The following ABCC1 variants were observed in gnomAD, a reference collection of about 807,000 sequenced individuals.
ABCC1 encodes the protein ATP binding cassette subfamily C member 1 (ABCC1 blood group), also known as multidrug resistance-associated protein 1.
A neutral mutation model predicts 172.9 loss-of-function variants in ABCC1; 83 were observed. That is an observed-to-expected ratio of 0.48 (90% CI 0.40 to 0.58). The LOEUF (loss-of-function observed/expected upper bound fraction) is 0.58, where lower values mean the gene tolerates loss of function less well. ABCC1 is among the 20% of genes least tolerant of loss of function. The pLI, the probability that ABCC1 is intolerant of heterozygous loss-of-function variation, is 0.00. For synonymous variants in ABCC1, 937 were observed against 825.2 expected, an observed-to-expected ratio of 1.14 and a Z score of -2.32; for missense variants, 1,817 against 2,002.7, an observed-to-expected ratio of 0.91 and a Z score of 1.77.
chr16:16,011,857 T>C (rs1373148844), intron 3 of ABCC1, among the ~76,000 whole-genome samples: 1 of 151,622 alleles, frequency 6.6e-6, no homozygotes, highest in African/African-American at 2.4e-5. Context: ...TTAGTAGAGA[T>C]GGGATTTCAC....
chr16:15,957,443 T>G (rs1415340012), intron 1 of ABCC1, among the ~76,000 whole-genome samples: 1 of 151,962 alleles, frequency 6.6e-6, no homozygotes, highest in Non-Finnish European at 1.5e-5. Context: ...ACCCCTCTTT[T>G]CCCAGGACTC....
chr16:16,009,375 A>G (rs4781712), intron 2 of ABCC1, among the ~76,000 whole-genome samples: 71,280 of 151,980 alleles, frequency 0.47, 17,121 homozygotes, highest in Non-Finnish European at 0.53. Flanking sequence ...ACCTTGAAAC[A>G]TATCCCACCC....
At chr16:16,023,360 A>T (rs183497858) in intron 5 of ABCC1, among the ~76,000 whole-genome samples, 7 of 152,298 alleles carry the variant, frequency 4.6e-5, no homozygotes, top group Admixed American at 4.6e-4. Context: ...GCTGATCTCA[A>T]GTTAGCATTT....
chr16:15,953,373 G>A (rs964134943), intron 1 of ABCC1, among the ~76,000 whole-genome samples: 1 of 152,022 alleles, frequency 6.6e-6, no homozygotes, highest in Non-Finnish European at 1.5e-5. Context: ...TAGAAAAATT[G>A]GAAATTATGG....
intron 23 of ABCC1, among the ~76,000 whole-genome samples, chr16:16,120,492 G>A (rs577860685): frequency 6.6e-6 from 1 of 152,298 alleles, no homozygotes; most frequent in Non-Finnish European, 1.5e-5. Flanking sequence ...GAATGCCCAG[G>A]TTGGGGGAGG....
chr16:15,984,961 G>C (rs1386438087), intron 1 of ABCC1, among the ~76,000 whole-genome samples: 2 of 151,794 alleles, frequency 1.3e-5, no homozygotes, highest in East Asian at 3.9e-4. Flanking sequence ...AAATTGGCTG[G>C]GCGTGGTGGC....
At position 16,052,586 on chromosome 16, in the gene ABCC1, A is replaced by G. The variant is rs1007636388; in HGVS notation, c.1381-138A>G. On this transcript the variant is annotated intron_variant, in intron 10 of 30. Coordinates refer to ENST00000399410, the MANE Select transcript of ABCC1 (RefSeq NM_004996.4). ...TGAAACCACAGGCTCTTAACACCCT[A>G]TTGTGGGGTAAAAGTAACACACCTT... The G allele has an allele frequency of 5.7e-6, 4 of 706,028 alleles. No homozygotes were observed. The African/African-American group carries it at 7.0e-5, about 12-fold the overall frequency. 43.7% of individuals were successfully genotyped at this position (706,028 alleles called of 1,614,324 possible).
chr16:15,956,319 C>G (rs1026376149), intron 1 of ABCC1, among the ~76,000 whole-genome samples: 1 of 151,520 alleles, frequency 6.6e-6, no homozygotes, highest in African/African-American at 2.4e-5. Flanking sequence ...GAGCCGAGAT[C>G]GCGCCATTGC....
intron 17 of ABCC1, among the ~76,000 whole-genome samples, chr16:16,086,450 CCTTT>C (rs779781231): frequency 1.6e-4 from 25 of 151,992 alleles, no homozygotes; most frequent in Admixed American, 7.9e-4. Flanking sequence ...AGGCTCTATG[CCTTT>C]CTTTCTTTCT....
At chr16:16,121,128 C>T (rs1417592588) in intron 23 of ABCC1, among the ~76,000 whole-genome samples, 2 of 152,206 alleles carry the variant, frequency 1.3e-5, no homozygotes, top group African/African-American at 2.4e-5. Context: ...ATACACATCA[C>T]ATGTAAGACT....
intron 1 of ABCC1, among the ~76,000 whole-genome samples, chr16:16,000,384 A>G (rs573836911): frequency 4.7e-4 from 71 of 151,860 alleles, no homozygotes; most frequent in African/African-American, 1.6e-3. Flanking sequence ...GGCTCAAGTG[A>G]TCCACCCGTG....
chr16:16,126,099 T>C (rs1034066299), intron 26 of ABCC1, among the ~76,000 whole-genome samples, 188 bp downstream of exon 26: 2 of 152,230 alleles, frequency 1.3e-5, no homozygotes, highest in African/African-American at 4.8e-5. Context: ...GAAAATAGTT[T>C]ACCGGCTTTA....
rs201384888 is a variant in ABCC1, at chr16:16,007,969, A to C, written c.202A>C (p.Thr68Pro). ...SRHDRGYIQM[T>P]PLNKTKTALG... ...ACATGACCGAGGCTACATTCAGATG[A>C]CACCTCTCAACAAAACCAAAACTGT... is the stretch of plus-strand genomic sequence containing the variant. The change falls in exon 2 of 31, where the codon ACA becomes CCA. Residue 68 changes from threonine (T) to proline (P), a missense_variant. Thr to Pro is a conservative substitution (Grantham distance 38). This residue lies in a region of ABCC1 where 398 missense variants were observed against 384.2 expected (regional missense o/e 1.04). Transcript: ENST00000399410. 1 of 1,369,002 alleles carries C rather than the reference A, an allele frequency of 7.3e-7. No individual in the cohort carries two copies. Among genetic ancestry groups the C allele is most frequent in the Non-Finnish European group, 9.7e-7 (1 of 1,033,160 alleles). 84.8% of individuals were successfully genotyped at this position (1,369,002 alleles called of 1,614,324 possible). A position where few individuals can be genotyped will look rare whatever the true frequency, so the allele number is the denominator to read the frequency against.
chr16:16,038,043 A>AGGAT (rs150697316), intron 7 of ABCC1, among the ~76,000 whole-genome samples: 69 of 151,722 alleles, frequency 4.5e-4, no homozygotes, highest in African/African-American at 1.4e-3. Flanking sequence ...CAGAACTAGT[A>AGGAT]GGATGGATGG....
intron 10 of ABCC1, among the ~76,000 whole-genome samples, chr16:16,048,576 C>A (rs1425945771): frequency 1.3e-5 from 2 of 152,180 alleles, no homozygotes; most frequent in African/African-American, 4.8e-5. Flanking sequence ...CAATGGACGA[C>A]ACATCATATT....
intron 6 of ABCC1, among the ~76,000 whole-genome samples, chr16:16,035,987 A>G (rs1417261882): frequency 6.6e-6 from 1 of 151,832 alleles, no homozygotes; most frequent in Non-Finnish European, 1.5e-5. Context: ...AGCCAGTCAT[A>G]ATGGCTTACA....
intron 19 of ABCC1, among the ~76,000 whole-genome samples, chr16:16,100,942 C>T (rs1159451296): frequency 6.6e-6 from 1 of 152,152 alleles, no homozygotes; most frequent in East Asian, 1.9e-4. Context: ...AGGGACTGGG[C>T]TGGACACGAG....
At position 16,106,720 on chromosome 16, in the gene ABCC1, T is replaced by A; in HGVS notation, c.2736-18T>A. On this transcript the variant is annotated intron_variant, in intron 20 of 30. Coordinates refer to ENST00000399410, the MANE Select transcript of ABCC1 (RefSeq NM_004996.4). Reference sequence around the variant, plus strand: ...AAGGCATCTGTACGGTTGACACCCTTGTGCTTTGCTTCTCCAGACAGCTCA... The same window carrying A: ...AAGGCATCTGTACGGTTGACACCCTAGTGCTTTGCTTCTCCAGACAGCTCA... The A allele has an allele frequency of 6.2e-7, 1 of 1,613,820 alleles. No homozygotes were observed. The highest frequency in any genetic ancestry group is 8.5e-7 in the Non-Finnish European group (1 of 1,180,008).
intron 7 of ABCC1, among the ~76,000 whole-genome samples, chr16:16,037,049 C>T (rs900388227): frequency 6.6e-6 from 1 of 151,700 alleles, no homozygotes; most frequent in Non-Finnish European, 1.5e-5. Context: ...TTGCAGTGAG[C>T]TGAGATTGTG....
Sources: allele counts gnomAD v4.1 joint callset (sites outside exome capture counted in the v4.1 genomes callset), GRCh38; gene constraint gnomAD v4.1.1; regional missense constraint gnomAD v4.1.1; transcripts MANE v1.5; gene names NCBI Gene and HGNC (gene_info 2026-07-23, HGNC 2026-07-21).